Variants in TANGO2 observed in about 807,000 individuals in gnomAD.
TANGO2 encodes transport and Golgi organization protein 2 homolog.
In TANGO2, 26 loss-of-function variants were observed where a neutral mutation model predicts 39.1. The ratio of observed to expected loss-of-function variants is 0.67; its 90% CI spans 0.49 to 0.92. TANGO2 has a LOEUF of 0.92. TANGO2 is among the 40% of genes least tolerant of loss of function. TANGO2 has a pLI of 0.00. For synonymous variants in TANGO2, 131 were observed against 144.5 expected (o/e 0.91, Z 0.67); for missense variants, 326 against 360.1 (o/e 0.91, Z 0.77).
In TANGO2 at chr22:20,052,697, C is replaced by T. The variant is rs77399579; in HGVS notation, c.265+113C>T. On this transcript the variant is annotated intron_variant, in intron 4 of 8. Transcript: ENST00000327374. Reference sequence around the variant, plus strand: ...CTGGCCAATGTATGGTGGAGTGGGGCGGGCCAAGGTAGGAAGTGCCAAGGT... The same window carrying T: ...CTGGCCAATGTATGGTGGAGTGGGGTGGGCCAAGGTAGGAAGTGCCAAGGT... 6,116 of 1,360,564 alleles carry T rather than the reference C, an allele frequency of 4.5e-3. 214 individuals carry two copies. The African/African-American group carries it at 0.073, about 16-fold the overall frequency. The allele number at this position is 1,360,564 out of a possible 1,614,324, so 84.3% of individuals were successfully genotyped here.
intron 1 of TANGO2, among the ~76,000 whole-genome samples, chr22:20,024,274 T>C (rs2040302465): frequency 6.6e-6 from 1 of 152,204 alleles, no homozygotes; most frequent in South Asian, 2.1e-4. Context: ...TGGTGAGCTC[T>C]TGCTGCGGAG....
intron 1 of TANGO2, among the ~76,000 whole-genome samples, chr22:20,033,404 G>A (rs1601925713): frequency 6.6e-6 from 1 of 152,228 alleles, no homozygotes; most frequent in East Asian, 1.9e-4. Context: ...TCCTGCAGCT[G>A]AACTGGGGGT....
At chr22:20,022,248 C>T (rs1312029940) in intron 1 of TANGO2, among the ~76,000 whole-genome samples, 2 of 152,352 alleles carry the variant, frequency 1.3e-5, no homozygotes, top group Non-Finnish European at 2.9e-5. Context: ...GGGCCTGCTC[C>T]CAGTGCCTCT....
At chr22:20,052,336 C>A in intron 3 of TANGO2, 129 bp from the exon 4 acceptor site, 1 of 1,360,388 alleles carries the variant, frequency 7.4e-7, no homozygotes, top group East Asian at 2.5e-5. Flanking sequence ...CTGGGCCAAG[C>A]CGCATGTCGA....
At chr22:20,038,619 A>G (rs1019521936) in intron 2 of TANGO2, among the ~76,000 whole-genome samples, 1 of 152,132 alleles carries the variant, frequency 6.6e-6, no homozygotes. Context: ...ATTTCTCTGG[A>G]CTATTTTCCG....
At chr22:20,024,197 G>A (rs1204071585) in intron 1 of TANGO2, among the ~76,000 whole-genome samples, 2 of 152,118 alleles carry the variant, frequency 1.3e-5, no homozygotes, top group Non-Finnish European at 2.9e-5. Flanking sequence ...CAGCCTGGGC[G>A]ACAAGAGCAA....
chr22:20,020,986 G>T (rs964043243), upstream of TANGO2: 1 of 151,970 alleles, frequency 6.6e-6, no homozygotes, highest in East Asian at 1.9e-4. Context: ...AGCGCGCCCA[G>T]CCAACGGGAC....
chr22:20,055,848 G>T, intron 5 of TANGO2, 95 bp from the exon 6 acceptor site: 1 of 1,154,600 alleles, frequency 8.7e-7, no homozygotes, highest in Non-Finnish European at 1.3e-6. Context: ...TGCGCACATC[G>T]CTAGCCTCCA....
upstream of TANGO2, chr22:20,020,990 A>G (rs1273863170): frequency 6.6e-6 from 1 of 151,916 alleles, no homozygotes; most frequent in Non-Finnish European, 1.5e-5. Flanking sequence ...CGCCCAGCCA[A>G]CGGGACGCCG....
intron 4 of TANGO2, 121 bp downstream of exon 4, chr22:20,052,705 G>T: frequency 7.8e-7 from 1 of 1,286,102 alleles, no homozygotes; most frequent in Non-Finnish European, 1.1e-6. Flanking sequence ...GGCGGGCCAA[G>T]GTAGGAAGTG....
intron 3 of TANGO2, among the ~76,000 whole-genome samples, chr22:20,047,095 C>A (rs1226059160): frequency 6.6e-6 from 1 of 152,128 alleles, no homozygotes; most frequent in Non-Finnish European, 1.5e-5. Flanking sequence ...ACAACCAGTT[C>A]TCAAAGGAAC....
rs2046211972 is a variant in TANGO2 at position 20,050,884 on chromosome 22, A to G, written c.146-1581A>G. ...GAGACAGAGTTTCGCTGAGAGTGCA[A>G]TGGTGTGATCTCGGCTCACTGCAAC... is the stretch of plus-strand genomic sequence containing the variant. On this transcript the variant is annotated intron_variant, in intron 3 of 8. Coordinates refer to ENST00000327374, the MANE Select transcript of TANGO2 (RefSeq NM_152906.7). Among the ~76,000 whole-genome samples the G allele has an allele frequency of 2.1e-5, 3 of 146,282 alleles. No homozygotes were observed. The Admixed American group carries it at 2.1e-4, about 10-fold the overall frequency.
chr22:20,041,232 C>T (rs984717739), intron 2 of TANGO2, among the ~76,000 whole-genome samples: 8 of 152,188 alleles, frequency 5.3e-5, no homozygotes, highest in South Asian at 2.1e-4. Flanking sequence ...CTGCAACCTC[C>T]GCCTCCCGGG....
intron 6 of TANGO2, chr22:20,058,282 G>A (rs1276459050): frequency 3.9e-5 from 6 of 152,132 alleles, no homozygotes; most frequent in Admixed American, 2.6e-4. Context: ...TGGACACTTT[G>A]TATAAAGGGA....
At chr22:20,031,853 A>G (rs1355328591) in intron 1 of TANGO2, among the ~76,000 whole-genome samples, 8 of 152,198 alleles carry the variant, frequency 5.3e-5, no homozygotes, top group Admixed American at 2.6e-4. Flanking sequence ...TGCCGAGGCC[A>G]TCCTGACTCT....
At position 20,021,236 on chromosome 22, in the gene TANGO2, G is replaced by C. The variant is rs1429187167; in HGVS notation, c.-50G>C. On this transcript the variant is annotated 5_prime_UTR_variant, in exon 1 of 9. Coordinates refer to ENST00000327374, the MANE Select transcript of TANGO2 (RefSeq NM_152906.7). ...GCTCTGGGTGCGCGGACCGGGCCAG[G>C]CTGCTTGAAGGTGGGTGGGCTGGCC... 6.6e-6 allele frequency: 1 copy of C among 152,470 alleles called. No homozygotes were observed. The highest frequency in any genetic ancestry group is 2.4e-5 in the African/African-American group (1 of 41,452). The allele number at this position is 152,470 out of a possible 1,614,324, so 9.4% of individuals were successfully genotyped here.
intron 2 of TANGO2, among the ~76,000 whole-genome samples, chr22:20,041,297 C>T (rs1055594401): frequency 6.6e-6 from 1 of 151,936 alleles, no homozygotes; most frequent in African/African-American, 2.4e-5. Flanking sequence ...AGGCGCCCGC[C>T]ACCACACCCG....
intron 3 of TANGO2, among the ~76,000 whole-genome samples, chr22:20,051,623 G>A (rs1394423482): frequency 6.6e-6 from 1 of 152,166 alleles, no homozygotes; most frequent in African/African-American, 2.4e-5. Flanking sequence ...AGGCTGAGTC[G>A]GGAGGATCGC....
intron 1 of TANGO2, among the ~76,000 whole-genome samples, chr22:20,029,521 G>A (rs2041437835): frequency 6.6e-6 from 1 of 152,188 alleles, no homozygotes; most frequent in Non-Finnish European, 1.5e-5. Context: ...TTAGAGGACG[G>A]GAAGCCCTTG....
Sources: allele counts gnomAD v4.1 joint callset (sites outside exome capture counted in the v4.1 genomes callset), GRCh38; gene constraint gnomAD v4.1.1; transcripts MANE v1.5; gene names NCBI Gene and HGNC (gene_info 2026-07-23, HGNC 2026-07-21).